The following ERC1 variants were observed in gnomAD, a reference collection of about 807,000 sequenced individuals.
ERC1 encodes RAB6 interacting protein 2.
Under a neutral mutation model 132.0 loss-of-function variants are expected in ERC1, and 56 were observed. The observed-to-expected ratio is 0.42, with a 90% CI of 0.34 to 0.53. The LOEUF is 0.53. ERC1 is among the 20% of genes least tolerant of loss of function. ERC1 has a pLI of 0.03. For missense variants in ERC1, 1,202 were observed against 1,349.9 expected (o/e 0.89, Z 1.72); for synonymous variants, 478 against 476.1 (o/e 1.00, Z -0.05).
intron 1 of ERC1, among the ~76,000 whole-genome samples, chr12:1,006,195 G>C (rs1247975503): frequency 7.7e-5 from 8 of 103,306 alleles, no homozygotes; most frequent in Non-Finnish European, 1.3e-4. Context: ...GACCTCAGGT[G>C]ATCCACCCGC....
chr12:1,317,373 G>C (rs912110644), intron 15 of ERC1, among the ~76,000 whole-genome samples: 2 of 151,590 alleles, frequency 1.3e-5, no homozygotes, highest in Non-Finnish European at 1.5e-5. Flanking sequence ...ATGGACACAG[G>C]GAGGGGAACA....
chr12:990,725 C>G (rs1052822205), upstream of ERC1: 1 of 152,240 alleles, frequency 6.6e-6, no homozygotes, highest in African/African-American at 2.4e-5. Flanking sequence ...CAGCCAGGGT[C>G]GATCCCGGCG....
intron 2 of ERC1, among the ~76,000 whole-genome samples, chr12:1,078,793 C>G (rs929708746): frequency 6.6e-6 from 1 of 151,666 alleles, no homozygotes; most frequent in Non-Finnish European, 1.5e-5. Flanking sequence ...TACAAAGACA[C>G]AGATAGAAAT....
intron 15 of ERC1, among the ~76,000 whole-genome samples, chr12:1,322,620 T>C (rs1259060227): frequency 6.6e-6 from 1 of 152,196 alleles, no homozygotes; most frequent in African/African-American, 2.4e-5. Flanking sequence ...TAAACATCTT[T>C]AATAATGATA....
At chr12:1,155,476 CT>C (rs1951292424) in intron 8 of ERC1, among the ~76,000 whole-genome samples, 1 of 151,940 alleles carries the variant, frequency 6.6e-6, no homozygotes, top group Non-Finnish European at 1.5e-5. Context: ...GAAAATTAAA[CT>C]TTCCTTTTTT....
chr12:1,302,557 T>C (rs142693603), intron 15 of ERC1, among the ~76,000 whole-genome samples: 1 of 152,220 alleles, frequency 6.6e-6, no homozygotes, highest in African/African-American at 2.4e-5. Context: ...CATGGTTGTT[T>C]AGGGCATTTT....
At chr12:1,400,391 A>G (rs2090916411) in intron 16 of ERC1, among the ~76,000 whole-genome samples, 1 of 152,128 alleles carries the variant, frequency 6.6e-6, no homozygotes, top group Non-Finnish European at 1.5e-5. Flanking sequence ...TCTTGTTGAT[A>G]CTGTTTACAG....
intron 2 of ERC1, among the ~76,000 whole-genome samples, chr12:1,081,361 C>T (rs190426672): frequency 9.2e-5 from 14 of 152,256 alleles, no homozygotes; most frequent in Admixed American, 7.2e-4. Flanking sequence ...GTTACCGTCC[C>T]CTGTATAAAA....
In ERC1 at chr12:1,453,113, G is replaced by A. The variant is rs1390485547; in HGVS notation, c.3213+8363G>A. Among the ~76,000 whole-genome samples the A allele has an allele frequency of 5.9e-5, 9 of 152,140 alleles. No individual in the cohort carries two copies. In the South Asian group the frequency reaches 1.5e-3, roughly 25 times the overall value. The stretch of plus-strand genomic sequence containing the variant: ...TGTTACTCAGTGAAGACTCAGGGTC[G>A]GGCAGGAGTGGCTTCTTCATTTTCC... On this transcript the variant is annotated intron_variant, in intron 18 of 18. Transcript: ENST00000360905.
At chr12:1,228,794 G>A (rs1043283178) in intron 12 of ERC1, among the ~76,000 whole-genome samples, 7 of 151,980 alleles carry the variant, frequency 4.6e-5, no homozygotes, top group African/African-American at 7.3e-5. Flanking sequence ...GATTTTTATC[G>A]TTCATTCTGT....
At chr12:1,019,051 A>G (rs1458851003) in intron 1 of ERC1, among the ~76,000 whole-genome samples, 1 of 152,198 alleles carries the variant, frequency 6.6e-6, no homozygotes. Context: ...GACAGTGGAT[A>G]AGTAGTAGTT....
At chr12:1,446,644 C>T (rs936147405) in intron 18 of ERC1, among the ~76,000 whole-genome samples, 5 of 152,182 alleles carry the variant, frequency 3.3e-5, no homozygotes, top group South Asian at 2.1e-4. Flanking sequence ...AGTGAAAACC[C>T]GCAAGTCAAG....
At chr12:1,165,691 A>AG (rs1479918771) in intron 8 of ERC1, among the ~76,000 whole-genome samples, 1 of 152,196 alleles carries the variant, frequency 6.6e-6, no homozygotes, top group East Asian at 1.9e-4. Context: ...GTGTTATTTG[A>AG]GGGGGATAAA....
intron 8 of ERC1, among the ~76,000 whole-genome samples, chr12:1,175,640 T>G (rs1953623525): frequency 6.6e-6 from 1 of 151,906 alleles, no homozygotes; most frequent in South Asian, 2.1e-4. Context: ...TTCAAGTGAT[T>G]CTTCTGCCTG....
intron 16 of ERC1, among the ~76,000 whole-genome samples, chr12:1,384,005 G>A (rs1490435268): frequency 3.3e-5 from 5 of 152,088 alleles, no homozygotes; most frequent in African/African-American, 7.2e-5. Flanking sequence ...ATTCAGAGCC[G>A]ATCATATCAC....
At chr12:1,463,084 A>G (rs1464843379) in intron 18 of ERC1, among the ~76,000 whole-genome samples, 3 of 152,110 alleles carry the variant, frequency 2.0e-5, no homozygotes, top group African/African-American at 7.2e-5. Context: ...ATTTTCAGGA[A>G]GTATTGTTCC....
At chr12:1,236,708 TAA>T in intron 12 of ERC1, 59 bp from the exon 13 acceptor site, 1 of 1,517,146 alleles carries the variant, frequency 6.6e-7, no homozygotes, top group East Asian at 2.4e-5. Flanking sequence ...AGTCTCTAGA[TAA>T]ACATATTTGT....
At chr12:1,394,484 A>G (rs1037634520) in intron 16 of ERC1, among the ~76,000 whole-genome samples, 6 of 152,162 alleles carry the variant, frequency 3.9e-5, no homozygotes, top group Non-Finnish European at 8.8e-5. Context: ...ACACTCAGTG[A>G]TATGGTTTGG....
At chr12:1,316,321 C>G (rs748225413) in intron 15 of ERC1, among the ~76,000 whole-genome samples, 40 of 152,168 alleles carry the variant, frequency 2.6e-4, no homozygotes, top group Admixed American at 1.3e-3. Flanking sequence ...TTTCTTTTCT[C>G]TGTTAACCAT....
Sources: gnomAD v4.1 joint callset for allele counts (sites outside exome capture counted in the v4.1 genomes callset) on GRCh38, gnomAD v4.1.1 for gene constraint, MANE v1.5 for transcripts, NCBI Gene and HGNC (gene_info 2026-07-23, HGNC 2026-07-21) for gene names.